Variants in CNTLN observed in about 807,000 individuals in gnomAD.
The protein encoded by CNTLN is centlein.
A neutral mutation model predicts 180.0 loss-of-function variants in CNTLN; 212 were observed. The ratio of observed to expected loss-of-function variants is 1.18; its 90% CI spans 1.05 to 1.32. The LOEUF is 1.32. Among genes scored for constraint, CNTLN ranks in the 40% most tolerant of loss-of-function variants. The pLI is 0.00. For synonymous variants in CNTLN, 722 were observed against 563.1 expected (o/e 1.28, Z -3.99); for missense variants, 2,095 against 1,610.9 (o/e 1.30, Z -5.14).
intron 18 of CNTLN, among the ~76,000 whole-genome samples, chr9:17,452,992 A>G (rs1830873458): frequency 6.6e-6 from 1 of 152,156 alleles, no homozygotes; most frequent in Admixed American, 6.5e-5. Flanking sequence ...CATACAAATA[A>G]ATTGAAAAAG....
chr9:17,386,977 T>C (rs1030641678), intron 13 of CNTLN, among the ~76,000 whole-genome samples: 4 of 152,202 alleles, frequency 2.6e-5, no homozygotes, highest in African/African-American at 4.8e-5. Context: ...TGGGAACTGA[T>C]AGATTATTAT....
At chr9:17,342,629 C>T (rs992372498) in intron 12 of CNTLN, among the ~76,000 whole-genome samples, 185 bp downstream of exon 12, 1 of 152,184 alleles carries the variant, frequency 6.6e-6, no homozygotes, top group African/African-American at 2.4e-5. Flanking sequence ...ACAAGTTGCA[C>T]AGTTGCTAGC....
intron 2 of CNTLN, among the ~76,000 whole-genome samples, chr9:17,205,806 TC>T (rs1377763369): frequency 6.6e-6 from 1 of 152,172 alleles, no homozygotes; most frequent in African/African-American, 2.4e-5. Flanking sequence ...ATCACTGTTT[TC>T]CATGTTGATG....
At chr9:17,193,900 G>C (rs1821951888) in intron 2 of CNTLN, among the ~76,000 whole-genome samples, 1 of 152,238 alleles carries the variant, frequency 6.6e-6, no homozygotes, top group African/African-American at 2.4e-5. Flanking sequence ...AATCTAGGCG[G>C]AAGTTTCCAA....
chr9:17,331,864 T>G (rs979386402), intron 9 of CNTLN, among the ~76,000 whole-genome samples: 6 of 152,046 alleles, frequency 3.9e-5, no homozygotes, highest in Non-Finnish European at 8.8e-5. Context: ...ATTTGGTTGC[T>G]TGCTCGATTG....
chr9:17,301,513 T>A, intron 7 of CNTLN: 8 of 984,904 alleles, frequency 8.1e-6, no homozygotes, highest in Non-Finnish European at 9.6e-6. Context: ...TGAATATCAT[T>A]TTTCTTTTAT....
In CNTLN at chr9:17,306,146, A is replaced by AT. The variant is rs572150057; in HGVS notation, c.1147-2891dup. On this transcript the variant is annotated intron_variant, in intron 7 of 25. Coordinates refer to ENST00000380647, the MANE Select transcript of CNTLN (RefSeq NM_017738.4). The stretch of plus-strand genomic sequence containing the variant: ...ACAAGAAGGGTGCTATTAGTCGTCT[A>AT]TTTTTTTTTTTTTTTTTTTTTGAGT... Among the ~76,000 whole-genome samples, 1,133 of 127,958 alleles carry AT rather than the reference A, an allele frequency of 8.9e-3. 18 individuals are homozygous for AT. The highest frequency in any genetic ancestry group is 0.021 in the African/African-American group (755 of 35,252). The allele number at this position is 127,958 out of a possible 152,430, so 83.9% of individuals were successfully genotyped here. A position where few individuals can be genotyped will look rare whatever the true frequency, so the allele number is the denominator to read the frequency against.
intron 2 of CNTLN, among the ~76,000 whole-genome samples, chr9:17,219,255 AC>A (rs1382767905): frequency 2.0e-5 from 3 of 148,822 alleles, no homozygotes; most frequent in African/African-American, 5.0e-5. Context: ...TTTTTAAGGA[AC>A]CTTTTTTTTT....
intron 2 of CNTLN, among the ~76,000 whole-genome samples, chr9:17,164,375 A>G (rs1819904436): frequency 6.6e-6 from 1 of 151,464 alleles, no homozygotes; most frequent in Non-Finnish European, 1.5e-5. Context: ...AAAAAAAAAA[A>G]AACCATTTGT....
At chr9:17,244,971 T>C (rs561266167) in intron 5 of CNTLN, among the ~76,000 whole-genome samples, 1 of 152,328 alleles carries the variant, frequency 6.6e-6, no homozygotes, top group African/African-American at 2.4e-5. Context: ...TAACATTTTG[T>C]TCTTTTTATT....
rs780164414 is a variant in CNTLN at position 17,394,891 on chromosome 9, A to C, written c.2437A>C (p.Lys813Gln). Reference protein sequence around the residue: ...DRAKSEMATMKVRSGRYDCKT... With the variant: ...DRAKSEMATMQVRSGRYDCKT... ...AGCTAAATCCGAGATGGCCACCATGAAAGTGAGATCTGGACGATATGATTG... is the reference window on the plus strand; with the variant it reads ...AGCTAAATCCGAGATGGCCACCATGCAAGTGAGATCTGGACGATATGATTG... Residue 813 changes from lysine (K) to glutamine (Q), a missense_variant, in exon 15 of 26, where the codon AAA (lysine) becomes CAA (glutamine). Lys to Gln is a moderately conservative substitution (Grantham distance 53). Transcript: ENST00000380647. 3 of 1,614,126 alleles carry C rather than the reference A, an allele frequency of 1.9e-6. No homozygotes were observed. The highest frequency in any genetic ancestry group is 3.3e-5 in the Admixed American group (2 of 60,010).
intron 7 of CNTLN, chr9:17,298,846 C>A: frequency 1.0e-6 from 1 of 985,528 alleles, no homozygotes; most frequent in Non-Finnish European, 1.2e-6. Flanking sequence ...GTTCAGTAGT[C>A]TTTTACTTTA....
chr9:17,303,206 C>A (rs1818489030), intron 7 of CNTLN, among the ~76,000 whole-genome samples: 1 of 152,120 alleles, frequency 6.6e-6, no homozygotes, highest in Non-Finnish European at 1.5e-5. Context: ...ATAAAGCCAA[C>A]AGTATAGTTC....
chr9:17,308,931 A>C, intron 7 of CNTLN, 127 bp from the exon 8 acceptor site: 1 of 451,610 alleles, frequency 2.2e-6, no homozygotes, highest in Non-Finnish European at 3.7e-6. Context: ...GAGACTATTA[A>C]AATAACCTGA....
intron 10 of CNTLN, among the ~76,000 whole-genome samples, chr9:17,340,525 A>G (rs1002932477): frequency 3.3e-5 from 5 of 152,212 alleles, no homozygotes; most frequent in Non-Finnish European, 7.3e-5. Context: ...AAAAACATGT[A>G]AGATAGGTTT....
chr9:17,412,335 A>C (rs1827911051), intron 16 of CNTLN, among the ~76,000 whole-genome samples: 1 of 152,210 alleles, frequency 6.6e-6, no homozygotes, highest in Non-Finnish European at 1.5e-5. Context: ...CAAAATGTCC[A>C]GGATACAATT....
chr9:17,512,492 A>G, the CNTLN span, among the ~76,000 whole-genome samples: 4 of 152,184 alleles, frequency 2.6e-5, no homozygotes, highest in Admixed American at 1.3e-4. Flanking sequence ...ATAAAGATGG[A>G]AACAGTCGAC....
chr9:17,161,382 T>G (rs1819668450), intron 2 of CNTLN, among the ~76,000 whole-genome samples: 1 of 152,178 alleles, frequency 6.6e-6, no homozygotes, highest in East Asian at 1.9e-4. Context: ...AACTCTCACT[T>G]TAGATTATTG....
intron 5 of CNTLN, among the ~76,000 whole-genome samples, chr9:17,246,103 T>C (rs867771252): frequency 5.3e-5 from 8 of 152,038 alleles, no homozygotes; most frequent in South Asian, 2.1e-4. Context: ...TGGATATTCA[T>C]TGGTATCCAG....
Sources: allele counts gnomAD v4.1 joint callset (sites outside exome capture counted in the v4.1 genomes callset), GRCh38; gene constraint gnomAD v4.1.1; transcripts MANE v1.5; gene names NCBI Gene and HGNC (gene_info 2026-07-23, HGNC 2026-07-21).